TTC7B: variants seen among roughly 807,000 people sequenced by gnomAD.
TTC7B encodes the protein tetratricopeptide repeat domain 7B.
A neutral mutation model predicts 106.8 loss-of-function variants in TTC7B; 28 were observed. The ratio of observed to expected loss-of-function variants is 0.26; its 90% CI spans 0.19 to 0.36. TTC7B has a LOEUF of 0.36. TTC7B is among the 10% of genes least tolerant of loss of function. The probability of loss-of-function intolerance (pLI) is 1.00; values close to 1 mark genes in which losing one functional copy is unlikely to be tolerated. For missense variants in TTC7B, 862 were observed against 1,076.4 expected (o/e 0.80, Z 2.79); for synonymous variants, 405 against 430.6 (o/e 0.94, Z 0.74).
intron 19 of TTC7B, among the ~76,000 whole-genome samples, chr14:90,546,420 C>A (rs1310622089): frequency 6.6e-6 from 1 of 152,260 alleles, no homozygotes; most frequent in Non-Finnish European, 1.5e-5. Context: ...CTGTTGTCAG[C>A]ACCAGCTGCG....
At chr14:90,723,410 A>C (rs1161683381) in intron 5 of TTC7B, among the ~76,000 whole-genome samples, 1 of 151,704 alleles carries the variant, frequency 6.6e-6, no homozygotes, top group Non-Finnish European at 1.5e-5. Context: ...GACAACCATC[A>C]CTCTCCCACT....
At position 90,544,590 on chromosome 14, in the gene TTC7B, C is replaced by T. The variant is rs539009982; in HGVS notation, c.2311-3001G>A. Among the ~76,000 whole-genome samples, 6 of 152,312 alleles carry T rather than the reference C, an allele frequency of 3.9e-5. No homozygotes were observed. The South Asian group carries it at 1.2e-3, about 32-fold the overall frequency. ...AAGGCCAGCAGAACAAATGGTAGGC[C>T]ACCTACCCAGGTTGCATTCAGTAGG... On this transcript the variant is annotated intron_variant, in intron 19 of 19. Coordinates refer to ENST00000328459, the MANE Select transcript of TTC7B (RefSeq NM_001010854.2).
intron 5 of TTC7B, among the ~76,000 whole-genome samples, chr14:90,716,163 G>A (rs980932256): frequency 1.8e-4 from 28 of 152,194 alleles, no homozygotes; most frequent in Admixed American, 1.8e-3. Context: ...AAGAAGGAGG[G>A]TGGGGGTCAG....
chr14:90,659,647 G>A (rs1886105301), intron 9 of TTC7B, among the ~76,000 whole-genome samples: 1 of 152,152 alleles, frequency 6.6e-6, no homozygotes, highest in Non-Finnish European at 1.5e-5. Flanking sequence ...CGGCAACGGA[G>A]GCCAAGAAGC....
rs187846800 is a variant in TTC7B, at chr14:90,714,661, T to G, written c.698+15414A>C. 5.8e-3 allele frequency among the ~76,000 whole-genome samples: 880 copies of G among 152,148 alleles called. 9 individuals carry two copies. Among genetic ancestry groups the G allele is most frequent in the African/African-American group, 0.021 (853 of 41,492 alleles). ...TAGTAGAGATGGGGTTTCACCATGC[T>G]GGCCAGGCTGGTCTTGAACTCCTGA... On this transcript the variant is annotated intron_variant, in intron 5 of 19. Coordinates refer to ENST00000328459, the MANE Select transcript of TTC7B (RefSeq NM_001010854.2).
Position 90,757,210 on chromosome 14 carries a change from C to T in TTC7B, c.446-12288G>A, listed in dbSNP as rs577956189. Among the ~76,000 whole-genome samples, 1 of 152,264 alleles carries T rather than the reference C, an allele frequency of 6.6e-6. No individual in the cohort carries two copies. The highest frequency in any genetic ancestry group is 6.5e-5 in the Admixed American group (1 of 15,292). ...CCCCGGAAAGCTCCCCTGAACCACC[C>T]CGTTCCCTCCACTCATGGACTTTTC... is the stretch of plus-strand genomic sequence containing the variant. On this transcript the variant is annotated intron_variant, in intron 3 of 19. Coordinates refer to ENST00000328459, the MANE Select transcript of TTC7B (RefSeq NM_001010854.2). This position sits in a 1 kb window ranked among gnomAD's most constrained non-coding sequence, Gnocchi z 4.1.
rs139354549 is a variant in TTC7B at position 90,730,185 on chromosome 14, A to T, written c.588T>A (p.Ser196=). The change falls in exon 5 of 20, where the codon TCT becomes TCA. Residue 196 remains serine (S), a synonymous_variant. Transcript: ENST00000328459. ...YLQEIERVIL[S]NIQNRSPKPG... is the part of the protein sequence containing the mutation. Reference sequence around the variant, plus strand: ...GCTTAGGGCTTCTGTTTTGAATATTAGAAAGTATTACCTAGAAGGGGAGAA... The same window carrying T: ...GCTTAGGGCTTCTGTTTTGAATATTTGAAAGTATTACCTAGAAGGGGAGAA... 9 of 1,603,630 alleles carry T rather than the reference A, an allele frequency of 5.6e-6. No individual in the cohort carries two copies. The African/African-American group carries it at 1.2e-4, about 22-fold the overall frequency.
intron 1 of TTC7B, among the ~76,000 whole-genome samples, chr14:90,793,105 C>G (rs376903478): frequency 6.6e-6 from 1 of 151,686 alleles, no homozygotes; most frequent in Non-Finnish European, 1.5e-5. Context: ...GGTGATTTCC[C>G]CTGTGCTTTT....
intron 1 of TTC7B, among the ~76,000 whole-genome samples, chr14:90,804,896 C>A (rs759686732): frequency 1.3e-5 from 2 of 152,192 alleles, no homozygotes; most frequent in Non-Finnish European, 2.9e-5. Flanking sequence ...CACAGAGGGG[C>A]GGTGGAGGGG....
Position 90,617,025 on chromosome 14 carries a change from T to G in TTC7B, c.1868+904A>C, listed in dbSNP as rs72691733. ...AATCTAAACATATGCAAGGGAAAAC[T>G]GTGCAAGACTTGGAAATGGGCAAAT... On this transcript the variant is annotated intron_variant, in intron 16 of 19. Transcript: ENST00000328459. Among the ~76,000 whole-genome samples, 6 of 152,302 alleles carry G rather than the reference T, an allele frequency of 3.9e-5. No homozygotes were observed. In the East Asian group the frequency reaches 1.2e-3, roughly 29 times the overall value.
At chr14:90,767,056 A>C in intron 3 of TTC7B, 1 of 799,834 alleles carries the variant, frequency 1.3e-6, no homozygotes, top group East Asian at 2.7e-5. Context: ...GAAAGAAAGG[A>C]AGAAAAGAAA....
At chr14:90,781,056 G>T in intron 2 of TTC7B, 150 bp from the exon 3 acceptor site, 1 of 686,052 alleles carries the variant, frequency 1.5e-6, no homozygotes, top group Non-Finnish European at 2.4e-6. Context: ...ATCCACAATA[G>T]CCAAACAGTG....
rs555684017 is a variant in TTC7B at position 90,688,189 on chromosome 14, T to C, written c.950+1351A>G. Among the ~76,000 whole-genome samples the C allele has an allele frequency of 3.3e-5, 5 of 152,326 alleles. No homozygotes were observed. In the South Asian group the frequency reaches 8.3e-4, roughly 25 times the overall value. On this transcript the variant is annotated intron_variant, in intron 7 of 19. Coordinates refer to ENST00000328459, the MANE Select transcript of TTC7B (RefSeq NM_001010854.2). ...GATTCTGAAAAGCCATCATGTCTTG[T>C]CCTTACAAGAACAGGCAAAGGCCAG...
intron 7 of TTC7B, among the ~76,000 whole-genome samples, chr14:90,684,268 A>G (rs1887168458): frequency 6.6e-6 from 1 of 152,208 alleles, no homozygotes. Context: ...TGTGTTAACT[A>G]TCTAGTCTAA....
rs530207610 is a variant in TTC7B, at chr14:90,528,856, G to A, written c.*12512C>T. On this transcript the variant is annotated 3_prime_UTR_variant, in exon 20 of 20. Coordinates refer to ENST00000328459, the MANE Select transcript of TTC7B (RefSeq NM_001010854.2). ...TGATGGTGTGACATGACTGCGCTTC[G>A]TTACCCATTTCCGATGGTGTGACCT... The A allele has an allele frequency of 8.5e-5, 13 of 153,046 alleles. No individual in the cohort carries two copies. In the South Asian group the frequency reaches 1.2e-3, roughly 14 times the overall value. The allele number at this position is 153,046 out of a possible 1,614,324, so 9.5% of individuals were successfully genotyped here.
rs1045593599 is a variant in TTC7B at position 90,570,091 on chromosome 14, C to G, written c.2310+8015G>C. ...TCCAGCCTTTTCCCATGTTCAGGCC[C>G]GGAGTCAACACTGCAGATCAGCCTG... On this transcript the variant is annotated intron_variant, in intron 19 of 19. Transcript: ENST00000328459. The surrounding 1 kb of genome is among the most constrained non-coding windows in gnomAD (Gnocchi z 4.0). The G allele has an allele frequency of 1.3e-5, 2 of 152,246 alleles. No individual in the cohort carries two copies. Among genetic ancestry groups the G allele is most frequent in the African/African-American group, 4.8e-5 (2 of 41,446 alleles). 9.4% of individuals were successfully genotyped at this position (152,246 alleles called of 1,614,324 possible). A position where few individuals can be genotyped will look rare whatever the true frequency, so the allele number is the denominator to read the frequency against.
At chr14:90,677,910 A>C in intron 8 of TTC7B, 1 of 429,724 alleles carries the variant, frequency 2.3e-6, no homozygotes, top group Non-Finnish European at 4.6e-6. Context: ...TCTCTTACGG[A>C]AACAAGCCTG....
At chr14:90,695,614 C>T in intron 5 of TTC7B, 36 bp from the exon 6 acceptor site, 7 of 1,393,172 alleles carry the variant, frequency 5.0e-6, no homozygotes, top group Non-Finnish European at 6.9e-6. Flanking sequence ...TTTCATCTGG[C>T]ATGTATTAAT....
intron 18 of TTC7B, among the ~76,000 whole-genome samples, chr14:90,583,168 C>T (rs1416270010): frequency 6.6e-6 from 1 of 152,164 alleles, no homozygotes; most frequent in South Asian, 2.1e-4. Context: ...GTTGGGAACT[C>T]AGGAAGAAAA....
Sources: gnomAD v4.1 joint callset for allele counts (sites outside exome capture counted in the v4.1 genomes callset) on GRCh38, gnomAD v4.1.1 for gene constraint, Gnocchi (gnomAD v3.1) non-coding constraint, MANE v1.5 for transcripts, NCBI Gene and HGNC (gene_info 2026-07-23, HGNC 2026-07-21) for gene names.